Variants in THOC7 observed in about 807,000 individuals in gnomAD.
The protein encoded by THOC7 is THO complex subunit 7.
A neutral mutation model predicts 33.1 loss-of-function variants in THOC7; 22 were observed. The observed-to-expected ratio is 0.66, with a 90% CI of 0.47 to 0.95. THOC7 has a LOEUF of 0.95. Among genes scored for constraint, THOC7 ranks in the 40% least tolerant of loss-of-function variants. The pLI is 0.00. For synonymous variants in THOC7, 77 were observed against 76.8 expected (o/e 1.00, Z -0.01); for missense variants, 184 against 245.3 (o/e 0.75, Z 1.67).
chr3:63,853,157 G>GAAAAAAAAAAAAAAAAAA (rs1195911287), intron 1 of THOC7, among the ~76,000 whole-genome samples: 1 of 73,494 alleles, frequency 1.4e-5, no homozygotes. Context: ...TCTCAAAAAA[G>GAAAAAAAAAAAAAAAAAA]AAAAAAAAAA....
chr3:63,863,786 C>A lies in THOC7; in HGVS notation c.5G>T (p.Gly2Val). M[G>V]AVTDDEVIRK... The stretch of plus-strand genomic sequence containing the variant: ...CGGGGCCTCACCGTCAGTCACGGCT[C>A]CCATGGCGTGCGCGGCGGCGGCGGC... Residue 2 changes from glycine (G) to valine (V), a missense_variant, in exon 1 of 8, where the codon GGA becomes GTA. By Grantham distance (109) the Gly-to-Val change is moderately radical. Coordinates refer to ENST00000295899, the MANE Select transcript of THOC7 (RefSeq NM_025075.4). 8.0e-7 allele frequency: 1 copy of A among 1,252,018 alleles called. No individual in the cohort carries two copies. Among genetic ancestry groups the A allele is most frequent in the Non-Finnish European group, 9.9e-7 (1 of 1,006,806 alleles). The allele number at this position is 1,252,018 out of a possible 1,614,324, so 77.6% of individuals were successfully genotyped here. A position where few individuals can be genotyped will look rare whatever the true frequency, so the allele number is the denominator to read the frequency against.
chr3:63,860,798 T>C (rs189635763), intron 1 of THOC7: 1 of 152,188 alleles, frequency 6.6e-6, no homozygotes, highest in African/African-American at 2.4e-5. Context: ...GCCTTAAATG[T>C]TTTCTAGCAT....
chr3:63,863,460 C>G lies in THOC7; in HGVS notation c.19+312G>C, dbSNP rs532204866. On this transcript the variant is annotated intron_variant, in intron 1 of 7. Coordinates refer to ENST00000295899, the MANE Select transcript of THOC7 (RefSeq NM_025075.4). ...TTGCACCGCTTCTAGCCGTCTCGGC[C>G]ACCCACGTGTGTTCCCAGCCCACCG... 20 of 1,151,288 alleles carry G rather than the reference C, an allele frequency of 1.7e-5. No individual in the cohort carries two copies. The South Asian group carries it at 8.3e-4, about 48-fold the overall frequency. 71.3% of individuals were successfully genotyped at this position (1,151,288 alleles called of 1,614,324 possible).
At chr3:63,854,318 A>T (rs576555555) in intron 1 of THOC7, among the ~76,000 whole-genome samples, 1 of 152,308 alleles carries the variant, frequency 6.6e-6, no homozygotes, top group East Asian at 1.9e-4. Context: ...ATTATTTTTA[A>T]TGACATCTTA....
chr3:63,863,761 C>A lies in THOC7; in HGVS notation c.19+11G>T. 8.0e-7 allele frequency: 1 copy of A among 1,249,848 alleles called. No individual in the cohort carries two copies. The highest frequency in any genetic ancestry group is 1.0e-6 in the Non-Finnish European group (1 of 1,003,840). The allele number at this position is 1,249,848 out of a possible 1,614,324, so 77.4% of individuals were successfully genotyped here. On this transcript the variant is annotated intron_variant, in intron 1 of 7. Transcript: ENST00000295899. ...TGCAGCGGGCGCGTGTGGCGGCGAG[C>A]GGGGCCTCACCGTCAGTCACGGCTC...
At chr3:63,863,474 C>T (rs1044266657) in intron 1 of THOC7, 2 of 1,162,678 alleles carry the variant, frequency 1.7e-6, no homozygotes, top group African/African-American at 1.6e-5. Flanking sequence ...CACGTGTGTT[C>T]CCAGCCCACC....
chr3:63,863,776 A>G lies in THOC7; in HGVS notation c.15T>C (p.Thr5=). MGAV[T]DDEVIRKRLL... is the part of the protein sequence containing the mutation. Reference sequence around the variant, plus strand: ...TGGCGGCGAGCGGGGCCTCACCGTCAGTCACGGCTCCCATGGCGTGCGCGG... The same window carrying G: ...TGGCGGCGAGCGGGGCCTCACCGTCGGTCACGGCTCCCATGGCGTGCGCGG... The change falls in exon 1 of 8, where the codon ACT becomes ACC. Residue 5 remains threonine (T), a synonymous_variant. Transcript: ENST00000295899. 2 of 1,251,634 alleles carry G rather than the reference A, an allele frequency of 1.6e-6. No homozygotes were observed. Among genetic ancestry groups the G allele is most frequent in the Admixed American group, 4.2e-5 (1 of 23,568 alleles). The allele number at this position is 1,251,634 out of a possible 1,614,324, so 77.5% of individuals were successfully genotyped here.
chr3:63,863,705 C>G, intron 1 of THOC7, 67 bp downstream of exon 1: 1 of 1,245,702 alleles, frequency 8.0e-7, no homozygotes, highest in Non-Finnish European at 1.0e-6. Context: ...GGCCGGGAGG[C>G]CAGGGGTCTC....
intron 1 of THOC7, among the ~76,000 whole-genome samples, chr3:63,853,173 AAAAG>A (rs1371365402): frequency 0.016 from 2,394 of 151,612 alleles, 71 homozygotes; most frequent in African/African-American, 0.052. Flanking sequence ...AAAAAAAAAA[AAAAG>A]AATCACAGGT....
intron 1 of THOC7, among the ~76,000 whole-genome samples, chr3:63,842,446 C>A (rs997964987): frequency 1.3e-5 from 2 of 152,054 alleles, no homozygotes; most frequent in Non-Finnish European, 2.9e-5. Flanking sequence ...GAATTCACAA[C>A]CTAAGTGTCC....
intron 1 of THOC7, among the ~76,000 whole-genome samples, chr3:63,860,242 G>C (rs1702183861): frequency 6.6e-6 from 1 of 151,228 alleles, no homozygotes; most frequent in Non-Finnish European, 1.5e-5. Context: ...ATCATGTCTT[G>C]CTGTGTTGCT....
intron 1 of THOC7, among the ~76,000 whole-genome samples, chr3:63,846,398 T>C (rs1701896154): frequency 6.6e-6 from 1 of 152,006 alleles, no homozygotes; most frequent in South Asian, 2.1e-4. Flanking sequence ...TACTAGTAAC[T>C]TATTATTTAA....
At chr3:63,842,666 C>G (rs1701793136) in intron 1 of THOC7, among the ~76,000 whole-genome samples, 1 of 151,976 alleles carries the variant, frequency 6.6e-6, no homozygotes, top group African/African-American at 2.4e-5. Context: ...CCAAAACATA[C>G]AGAGTGACAT....
intron 1 of THOC7, among the ~76,000 whole-genome samples, chr3:63,853,244 A>G (rs1702052065): frequency 6.6e-6 from 1 of 151,980 alleles, no homozygotes; most frequent in African/African-American, 2.4e-5. Flanking sequence ...ACAGGGGCCA[A>G]TGCCAACATT....
chr3:63,841,724 T>C (rs1701765217), intron 1 of THOC7, among the ~76,000 whole-genome samples: 1 of 152,218 alleles, frequency 6.6e-6, no homozygotes, highest in South Asian at 2.1e-4. Flanking sequence ...ACCACCAACA[T>C]TATTATCTGA....
chr3:63,853,012 G>A (rs1187251341), intron 1 of THOC7, among the ~76,000 whole-genome samples: 10 of 152,082 alleles, frequency 6.6e-5, no homozygotes, highest in East Asian at 1.9e-4. Context: ...TTAGCTGGGC[G>A]TGGTGGCACG....
rs1233720884 is a variant in THOC7 at position 63,834,126 on chromosome 3, G to A, written c.*6C>T. The A allele has an allele frequency of 1.2e-6, 2 of 1,613,816 alleles. No homozygotes were observed. The highest frequency in any genetic ancestry group is 1.7e-5 in the Admixed American group (1 of 59,996). On this transcript the variant is annotated 3_prime_UTR_variant, in exon 8 of 8. Transcript: ENST00000295899. ...TATTCCTGGGAGTGGTGGGCAATTA[G>A]CCTGTCTATGGCTTAGGATCTGTTT...
intron 1 of THOC7, among the ~76,000 whole-genome samples, chr3:63,861,230 T>A (rs533018924): frequency 1.3e-5 from 2 of 152,276 alleles, no homozygotes; most frequent in East Asian, 3.9e-4. Flanking sequence ...CTTTTAAGGA[T>A]GTGGGGGGGC....
At chr3:63,848,790 GT>G (rs539209205) in intron 1 of THOC7, among the ~76,000 whole-genome samples, 14 of 151,728 alleles carry the variant, frequency 9.2e-5, no homozygotes, top group South Asian at 4.2e-4. Context: ...AAACATTGCT[GT>G]TTTTTTTAAT....
Sources: allele counts gnomAD v4.1 joint callset (sites outside exome capture counted in the v4.1 genomes callset), GRCh38; gene constraint gnomAD v4.1.1; transcripts MANE v1.5; gene names NCBI Gene and HGNC (gene_info 2026-07-23, HGNC 2026-07-21).